Variants in COL26A1 observed in about 807,000 individuals in gnomAD.
COL26A1 encodes collagen type XXVI alpha 1 chain.
COL26A1 carries 41 observed loss-of-function variants against 59.3 expected under a neutral mutation model. That is an observed-to-expected ratio of 0.69 (90% confidence interval 0.54 to 0.90). The LOEUF is 0.90. COL26A1 is among the 40% of genes least tolerant of loss of function. COL26A1 has a pLI of 0.00. For synonymous variants in COL26A1, 266 were observed against 256.0 expected (o/e 1.04, Z -0.37); for missense variants, 612 against 602.3 (o/e 1.02, Z -0.17).
chr7:101,530,288 G>A (rs1316697062), intron 3 of COL26A1, among the ~76,000 whole-genome samples: 1 of 152,058 alleles, frequency 6.6e-6, no homozygotes, highest in East Asian at 1.9e-4. Context: ...AAGGCACTAG[G>A]CTGGGCGTGG....
At chr7:101,401,448 G>A (rs1791992873) in intron 1 of COL26A1, among the ~76,000 whole-genome samples, 1 of 151,826 alleles carries the variant, frequency 6.6e-6, no homozygotes, top group Non-Finnish European at 1.5e-5. Flanking sequence ...GGAAGAGAAA[G>A]AGGAGAGAAG....
chr7:101,507,980 T>C (rs1271564768), intron 3 of COL26A1, among the ~76,000 whole-genome samples: 3 of 152,142 alleles, frequency 2.0e-5, no homozygotes, highest in Non-Finnish European at 4.4e-5. Flanking sequence ...TATATAAAAT[T>C]ATGAGGACCA....
At chr7:101,441,166 C>A (rs1391436864) in intron 2 of COL26A1, among the ~76,000 whole-genome samples, 2 of 152,042 alleles carry the variant, frequency 1.3e-5, no homozygotes, top group East Asian at 3.9e-4. Flanking sequence ...GGGTTCAGAT[C>A]CCAGTTCCAC....
Position 101,557,647 on chromosome 7 carries a change from T to A in COL26A1, c.*117T>A. On this transcript the variant is annotated 3_prime_UTR_variant, in exon 13 of 13. Transcript: ENST00000313669. ...ACTGGGCTCCAGGCATGGATGATTG[T>A]GAGGACATGGGGGGCTTTGGGGACA... 1.9e-6 allele frequency: 2 copies of A among 1,075,628 alleles called. No individual in the cohort carries two copies. Among genetic ancestry groups the A allele is most frequent in the Non-Finnish European group, 2.6e-6 (2 of 767,494 alleles). The allele number at this position is 1,075,628 out of a possible 1,614,324, so 66.6% of individuals were successfully genotyped here.
At chr7:101,401,889 G>A (rs1267960480) in intron 1 of COL26A1, among the ~76,000 whole-genome samples, 1 of 152,112 alleles carries the variant, frequency 6.6e-6, no homozygotes, top group Non-Finnish European at 1.5e-5. Context: ...ATCTGGTGGT[G>A]TCGAAGCCAC....
intron 11 of COL26A1, among the ~76,000 whole-genome samples, chr7:101,553,781 G>A (rs368725783): frequency 2.0e-5 from 3 of 152,308 alleles, no homozygotes; most frequent in East Asian, 3.9e-4. Context: ...CAAGGGTGCT[G>A]GGGGACTGAA....
chr7:101,432,423 C>T (rs944912525), intron 2 of COL26A1, among the ~76,000 whole-genome samples: 1 of 152,098 alleles, frequency 6.6e-6, no homozygotes, highest in East Asian at 1.9e-4. Context: ...AATGTCTGGT[C>T]CCTTAATGGC....
At chr7:101,555,580 A>G (rs1035763962) in intron 11 of COL26A1, among the ~76,000 whole-genome samples, 6 of 151,994 alleles carry the variant, frequency 3.9e-5, no homozygotes, top group Non-Finnish European at 7.4e-5. Context: ...CTGTGTTTCA[A>G]GCTCTTTGTC....
rs995045556 is a variant in COL26A1 at position 101,558,645 on chromosome 7, G to A, written c.*1115G>A. 6.6e-6 allele frequency: 1 copy of A among 152,260 alleles called. No individual in the cohort carries two copies. The highest frequency in any genetic ancestry group is 1.5e-5 in the Non-Finnish European group (1 of 68,088). 9.4% of individuals were successfully genotyped at this position (152,260 alleles called of 1,614,324 possible). ...TGGCAGGCTCCATGGCAGGCACCAG[G>A]TCCCTAGCAGCCCAGAACAGCTCTG... On this transcript the variant is annotated 3_prime_UTR_variant, in exon 13 of 13. Coordinates refer to ENST00000313669, the MANE Select transcript of COL26A1 (RefSeq NM_001278563.3).
chr7:101,507,777 C>T (rs1463112114), intron 3 of COL26A1, among the ~76,000 whole-genome samples: 1 of 152,078 alleles, frequency 6.6e-6, no homozygotes, highest in Non-Finnish European at 1.5e-5. Flanking sequence ...CCTCCGGTCT[C>T]TCCCCACCAA....
chr7:101,457,221 T>G (rs1314951871), intron 3 of COL26A1, among the ~76,000 whole-genome samples: 1 of 151,876 alleles, frequency 6.6e-6, no homozygotes, highest in East Asian at 1.9e-4. Context: ...TGAGTCCGGG[T>G]GGGGTCAGTC....
chr7:101,557,583 C>T lies in COL26A1; in HGVS notation c.*53C>T. 2.6e-6 allele frequency: 4 copies of T among 1,522,946 alleles called. No individual in the cohort carries two copies. 94.3% of individuals were successfully genotyped at this position (1,522,946 alleles called of 1,614,324 possible). A position where few individuals can be genotyped will look rare whatever the true frequency, so the allele number is the denominator to read the frequency against. On this transcript the variant is annotated 3_prime_UTR_variant, in exon 13 of 13. Transcript: ENST00000313669. ...CTGGCTAGAGACCCAGCCCCAGAGG[C>T]CTGAGCCGCCGCTGTTTCCTAAAGA...
chr7:101,388,944 C>A, intron 1 of COL26A1: 1 of 260,720 alleles, frequency 3.8e-6, no homozygotes, highest in South Asian at 5.4e-5. Flanking sequence ...CATAGCAGAT[C>A]AGGAATATCT....
At chr7:101,551,033 AG>A (rs1351486729) in intron 9 of COL26A1, 74 bp from the exon 10 acceptor site, 6 of 1,438,386 alleles carry the variant, frequency 4.2e-6, no homozygotes, top group African/African-American at 1.4e-5. Context: ...GTGGGCGGGG[AG>A]GGGGGTGGCC....
intron 2 of COL26A1, among the ~76,000 whole-genome samples, chr7:101,432,413 A>G (rs1792803805): frequency 6.6e-6 from 1 of 152,146 alleles, no homozygotes; most frequent in African/African-American, 2.4e-5. Flanking sequence ...AGATGACAGG[A>G]ATGTCTGGTC....
chr7:101,526,584 A>G (rs1795252378), intron 3 of COL26A1, among the ~76,000 whole-genome samples: 1 of 152,160 alleles, frequency 6.6e-6, no homozygotes, highest in Non-Finnish European at 1.5e-5. Flanking sequence ...CTCCTGCCCT[A>G]TCTGCAAATC....
intron 1 of COL26A1, among the ~76,000 whole-genome samples, chr7:101,403,336 C>T (rs1255312017): frequency 6.6e-6 from 1 of 151,998 alleles, no homozygotes; most frequent in East Asian, 1.9e-4. Flanking sequence ...TGAAATGGTG[C>T]AGCTCTACTA....
intron 1 of COL26A1, among the ~76,000 whole-genome samples, chr7:101,415,956 C>T (rs558960938): frequency 2.8e-5 from 3 of 106,572 alleles, no homozygotes; most frequent in African/African-American, 8.4e-5. Flanking sequence ...TTTGAGTGTG[C>T]TAGTACTGGT....
chr7:101,440,301 G>A (rs1793022273), intron 2 of COL26A1, among the ~76,000 whole-genome samples: 1 of 117,954 alleles, frequency 8.5e-6, no homozygotes, highest in Non-Finnish European at 2.1e-5. Flanking sequence ...GGGAGGTGAA[G>A]GCTGCAGGGA....
Sources: gnomAD v4.1 joint callset for allele counts (sites outside exome capture counted in the v4.1 genomes callset) on GRCh38, gnomAD v4.1.1 for gene constraint, MANE v1.5 for transcripts, NCBI Gene and HGNC (gene_info 2026-07-23, HGNC 2026-07-21) for gene names.